ATP2C2: variants seen among roughly 807,000 people sequenced by gnomAD.
ATP2C2 encodes the protein ATPase secretory pathway Ca2+ transporting 2.
In ATP2C2, 171 loss-of-function variants were observed where a neutral mutation model predicts 110.8. That is an observed-to-expected ratio of 1.54 (90% CI 1.36 to 1.75). The LOEUF (loss-of-function observed/expected upper bound fraction) is 1.75, where lower values mean the gene tolerates loss of function less well. Among genes scored for constraint, ATP2C2 ranks in the 40% most tolerant of loss-of-function variants. The probability of loss-of-function intolerance (pLI) is 0.00; values close to 1 mark genes in which losing one functional copy is unlikely to be tolerated. For synonymous variants in ATP2C2, 804 were observed against 508.4 expected, an observed-to-expected ratio of 1.58 and a Z score of -7.82; for missense variants, 1,963 against 1,235.0, an observed-to-expected ratio of 1.59 and a Z score of -8.84.
chr16:84,423,453 C>T (rs1907537486), intron 10 of ATP2C2, among the ~76,000 whole-genome samples, 190 bp downstream of exon 10: 1 of 152,232 alleles, frequency 6.6e-6, no homozygotes, highest in African/African-American at 2.4e-5. Context: ...CTGTAACAAG[C>T]AGCCACTACA....
Position 84,463,693 on chromosome 16 carries a change from C to T in ATP2C2, c.2802C>T (p.Cys934=), listed in dbSNP as rs947721068. The change falls in exon 27 of 27, where the codon TGC becomes TGT. Residue 934 remains cysteine (C), a synonymous_variant. Coordinates refer to ENST00000262429, the MANE Select transcript of ATP2C2 (RefSeq NM_014861.4). The stretch of plus-strand genomic sequence containing the variant: ...TCAAACTATGTGAAAAATACTGTTG[C>T]AGCCCCAAGAGAGTCCAGATGCACC... ...ELLKLCEKYC[C]SPKRVQMHPE... 6.2e-7 allele frequency: 1 copy of T among 1,614,194 alleles called. No homozygotes were observed. Among genetic ancestry groups the T allele is most frequent in the Non-Finnish European group, 8.5e-7 (1 of 1,180,008 alleles).
Position 84,382,930 on chromosome 16 carries a change from T to A in ATP2C2, c.99+14216T>A, listed in dbSNP as rs1052133026. Among the ~76,000 whole-genome samples, 593 of 136,472 alleles carry A rather than the reference T, an allele frequency of 4.3e-3. 15 individuals carry two copies. The highest frequency in any genetic ancestry group is 9.0e-4 in the Non-Finnish European group (57 of 63,340). The allele number at this position is 136,472 out of a possible 152,430, so 89.5% of individuals were successfully genotyped here. ...AAAAAAAAAAAAGTAAAGAAAGAAA[T>A]GGCCAAGCCAGGAGGAAGAGCTGCC... On this transcript the variant is annotated intron_variant, in intron 1 of 26. Transcript: ENST00000262429.
At chr16:84,435,751 C>T (rs1206360919) in intron 11 of ATP2C2, among the ~76,000 whole-genome samples, 2 of 152,034 alleles carry the variant, frequency 1.3e-5, no homozygotes, top group African/African-American at 4.8e-5. Flanking sequence ...TGCTTGAGTC[C>T]AGGAGGTCAA....
chr16:84,369,311 C>A (rs781529447), intron 1 of ATP2C2, among the ~76,000 whole-genome samples: 7 of 152,106 alleles, frequency 4.6e-5, no homozygotes, highest in African/African-American at 1.4e-4. Context: ...CATGAGGGAA[C>A]GAAGTGGCAA....
intron 13 of ATP2C2, among the ~76,000 whole-genome samples, chr16:84,440,085 G>A (rs983887580): frequency 1.3e-5 from 2 of 152,200 alleles, no homozygotes; most frequent in East Asian, 1.9e-4. Flanking sequence ...TGATCCGCCC[G>A]CCTTGGCCTC....
intron 1 of ATP2C2, among the ~76,000 whole-genome samples, chr16:84,379,189 C>A (rs958161926): frequency 2.8e-5 from 4 of 142,026 alleles, no homozygotes; most frequent in Middle Eastern, 3.2e-3. Flanking sequence ...CCTGTCGTTT[C>A]CTTTCCTTTC....
chr16:84,454,709 C>T (rs912357997), intron 20 of ATP2C2, 109 bp from the exon 21 acceptor site: 17 of 1,188,088 alleles, frequency 1.4e-5, no homozygotes, highest in Middle Eastern at 2.9e-4. Context: ...ATTCGAATTC[C>T]GGGTGCCCTC....
At chr16:84,440,114 A>C (rs1206591054) in intron 13 of ATP2C2, among the ~76,000 whole-genome samples, 1 of 152,250 alleles carries the variant, frequency 6.6e-6, no homozygotes, top group Non-Finnish European at 1.5e-5. Context: ...CTGGGATTAC[A>C]GGCGTGAGCC....
chr16:84,371,068 G>A (rs1001881347), intron 1 of ATP2C2, among the ~76,000 whole-genome samples: 15 of 152,184 alleles, frequency 9.9e-5, no homozygotes, highest in Non-Finnish European at 1.8e-4. Context: ...CTGAGAAACT[G>A]GGAGATGCTT....
intron 7 of ATP2C2, among the ~76,000 whole-genome samples, chr16:84,420,181 C>T (rs535993791): frequency 6.6e-6 from 1 of 152,316 alleles, no homozygotes; most frequent in South Asian, 2.1e-4. Context: ...CTGCTCTGTA[C>T]ACCCTGGTGT....
intron 11 of ATP2C2, chr16:84,426,012 C>A: frequency 1.7e-6 from 1 of 584,702 alleles, no homozygotes; most frequent in East Asian, 2.8e-5. Flanking sequence ...AGCAAATGAT[C>A]CAGGGTGTCC....
At chr16:84,388,108 G>T (rs1348766608) in intron 1 of ATP2C2, among the ~76,000 whole-genome samples, 2 of 152,102 alleles carry the variant, frequency 1.3e-5, no homozygotes, top group African/African-American at 4.8e-5. Flanking sequence ...GAGGTGGGTA[G>T]ATCACCTGAG....
chr16:84,445,455 G>A (rs1387898124), intron 15 of ATP2C2, among the ~76,000 whole-genome samples: 3 of 152,072 alleles, frequency 2.0e-5, no homozygotes, highest in East Asian at 3.9e-4. Flanking sequence ...TGATCCACCC[G>A]CCTCGGCTGC....
intron 1 of ATP2C2, among the ~76,000 whole-genome samples, chr16:84,389,116 C>A: frequency 6.6e-6 from 1 of 152,198 alleles, no homozygotes; most frequent in Non-Finnish European, 1.5e-5. Context: ...AGGGTTCTTT[C>A]TCTGCCTCTT....
chr16:84,412,508 CTG>C (rs60429618), intron 6 of ATP2C2, among the ~76,000 whole-genome samples: 37,922 of 146,546 alleles, frequency 0.26, 4,973 homozygotes, highest in South Asian at 0.36. Flanking sequence ...GTATATGTGT[CTG>C]TGTGTGTCTG....
At chr16:84,412,419 T>TATGTGTGTGCGAGTGTGTATGC (rs1597789523) in intron 6 of ATP2C2, among the ~76,000 whole-genome samples, 1 of 150,880 alleles carries the variant, frequency 6.6e-6, no homozygotes, top group East Asian at 2.0e-4. Context: ...TGTGTCTGTG[T>TATGTGTGTGCGAGTGTGTATGC]ATGTGTGTGC....
At chr16:84,388,830 G>T (rs1211412595) in intron 1 of ATP2C2, among the ~76,000 whole-genome samples, 1 of 152,140 alleles carries the variant, frequency 6.6e-6, no homozygotes, top group Non-Finnish European at 1.5e-5. Flanking sequence ...AGAGTGCAGT[G>T]GTGCAATCTT....
chr16:84,401,342 G>A lies in ATP2C2; in HGVS notation c.210+2733G>A, dbSNP rs1174501930. On this transcript the variant is annotated intron_variant, in intron 2 of 26. Coordinates refer to ENST00000262429, the MANE Select transcript of ATP2C2 (RefSeq NM_014861.4). ...GGGTTCAAGCAATTCTCCTGCCTCA[G>A]CCTCCTGTAGTAGCTGGGATTACAG... Among the ~76,000 whole-genome samples, 3 of 150,130 alleles carry A rather than the reference G, an allele frequency of 2.0e-5. No homozygotes were observed. The East Asian group carries it at 5.9e-4, about 29-fold the overall frequency.
At chr16:84,458,888 A>C (rs1910958220) in intron 21 of ATP2C2, among the ~76,000 whole-genome samples, 1 of 152,194 alleles carries the variant, frequency 6.6e-6, no homozygotes, top group South Asian at 2.1e-4. Context: ...TACCCTTGGC[A>C]CAGAAGGGCG....
Sources: gnomAD v4.1 joint callset for allele counts (sites outside exome capture counted in the v4.1 genomes callset) on GRCh38, gnomAD v4.1.1 for gene constraint, MANE v1.5 for transcripts, NCBI Gene and HGNC (gene_info 2026-07-23, HGNC 2026-07-21) for gene names.